DNAH11: variants seen among roughly 807,000 people sequenced by gnomAD.
DNAH11 encodes dynein axonemal heavy chain 11.
DNAH11 carries 442 observed loss-of-function variants against 526.0 expected under a neutral mutation model. The observed-to-expected ratio is 0.84, with a 90% confidence interval of 0.78 to 0.91. The LOEUF is 0.91. DNAH11 is among the 40% of genes least tolerant of loss of function. DNAH11 has a pLI of 0.00. For missense variants in DNAH11, 6,989 were observed against 5,448.7 expected (o/e 1.28, Z -8.90); for synonymous variants, 2,461 against 1,935.9 (o/e 1.27, Z -7.12).
chr7:21,737,975 C>T (rs1718453781), intron 46 of DNAH11, among the ~76,000 whole-genome samples: 1 of 151,524 alleles, frequency 6.6e-6, no homozygotes, highest in East Asian at 1.9e-4. Flanking sequence ...TATTTGTTTG[C>T]TCATTTAAAA....
chr7:21,696,451 TATA>T (rs1357971174), intron 35 of DNAH11, among the ~76,000 whole-genome samples: 2 of 152,210 alleles, frequency 1.3e-5, no homozygotes, highest in African/African-American at 4.8e-5. Flanking sequence ...ATAATAATTT[TATA>T]ATGTCTAACT....
In DNAH11 at chr7:21,559,135, G is replaced by C. The variant is rs56130071; in HGVS notation, c.692+137G>C. 0.19 allele frequency: 122,827 copies of C among 643,076 alleles called. 12,407 individuals are homozygous for C. Among genetic ancestry groups the C allele is most frequent in the East Asian group, 0.28 (9,701 of 34,438 alleles). 39.8% of individuals were successfully genotyped at this position (643,076 alleles called of 1,614,324 possible). On this transcript the variant is annotated intron_variant, in intron 3 of 81. Coordinates refer to ENST00000409508, the MANE Select transcript of DNAH11 (RefSeq NM_001277115.2). ...TCCCAGGAGTTCAAGACTAGCCTGG[G>C]CAGCATAGTGAGATCTCATCTCCAC...
chr7:21,698,872 A>G (rs1438115939), intron 36 of DNAH11, among the ~76,000 whole-genome samples: 2 of 152,162 alleles, frequency 1.3e-5, no homozygotes, highest in African/African-American at 4.8e-5. Context: ...TCCTTTAAAA[A>G]CTAAAACTAC....
At chr7:21,624,779 T>C (rs1344746507) in intron 25 of DNAH11, among the ~76,000 whole-genome samples, 1 of 152,180 alleles carries the variant, frequency 6.6e-6, no homozygotes, top group East Asian at 1.9e-4. Context: ...TTTTACCAAA[T>C]GTCTTTTCTG....
chr7:21,687,312 G>A lies in DNAH11; in HGVS notation c.5778+57G>A, dbSNP rs946815276. ...TTATTCTCTAACATTATTCCTGATT[G>A]GGAATTATTCAATATAATAGCGTAA... On this transcript the variant is annotated intron_variant, in intron 33 of 81. Transcript: ENST00000409508. 27 of 1,557,240 alleles carry A rather than the reference G, an allele frequency of 1.7e-5. No individual in the cohort carries two copies. In the African/African-American group the frequency reaches 2.7e-4, roughly 16 times the overall value.
At chr7:21,691,178 CTTTT>C (rs559356874) in intron 35 of DNAH11, among the ~76,000 whole-genome samples, 2 of 67,176 alleles carry the variant, frequency 3.0e-5, no homozygotes, top group South Asian at 6.2e-4. Flanking sequence ...TTTTTTTTTT[CTTTT>C]TTTTTTTTTA....
intron 24 of DNAH11, 75 bp downstream of exon 24, chr7:21,619,297 G>C (rs1785929360): frequency 6.5e-7 from 1 of 1,527,308 alleles, no homozygotes; most frequent in Non-Finnish European, 8.8e-7. Flanking sequence ...TTAGAGAAAA[G>C]TCCTTTTGAT....
intron 32 of DNAH11, among the ~76,000 whole-genome samples, chr7:21,684,795 C>T (rs1042846001): frequency 3.3e-5 from 5 of 152,178 alleles, no homozygotes; most frequent in East Asian, 1.9e-4. Flanking sequence ...CAGAATATTG[C>T]GGAGATAAGA....
chr7:21,701,890 TGA>T (rs1784076770), intron 36 of DNAH11, among the ~76,000 whole-genome samples: 1 of 152,082 alleles, frequency 6.6e-6, no homozygotes. Flanking sequence ...GAGAGACATT[TGA>T]GAGATGGGTT....
rs749596031 is a variant in DNAH11, at chr7:21,818,358, T to A, written c.10691+19T>A. 7 of 1,605,432 alleles carry A rather than the reference T, an allele frequency of 4.4e-6. No individual in the cohort carries two copies. The South Asian group carries it at 7.9e-5, about 18-fold the overall frequency. On this transcript the variant is annotated intron_variant, in intron 65 of 81. Transcript: ENST00000409508. Reference sequence around the variant, plus strand: ...AAGGAAAGTAAGTATTCTTGAATTTTTAACATATATATCTTGCTAAATGAT... The same window carrying A: ...AAGGAAAGTAAGTATTCTTGAATTTATAACATATATATCTTGCTAAATGAT...
At chr7:21,827,494 G>A (rs533175429) in intron 65 of DNAH11, among the ~76,000 whole-genome samples, 40 of 151,154 alleles carry the variant, frequency 2.6e-4, no homozygotes, top group African/African-American at 9.0e-4. Flanking sequence ...ATGTATTTCC[G>A]GTTGTTTTGG....
At chr7:21,726,954 G>T (rs1466065614) in intron 45 of DNAH11, among the ~76,000 whole-genome samples, 1 of 2,760 alleles carries the variant, frequency 3.6e-4, no homozygotes, top group Non-Finnish European at 6.3e-4. Context: ...TTTTTTTTGA[G>T]ATGGAGTCTC....
At position 21,744,457 on chromosome 7, in the gene DNAH11, C is replaced by A. The variant is rs1268983209; in HGVS notation, c.8174C>A (p.Pro2725His). 1.2e-6 allele frequency: 2 copies of A among 1,613,538 alleles called. No individual in the cohort carries two copies. Among genetic ancestry groups the A allele is most frequent in the South Asian group, 1.1e-5 (1 of 91,032 alleles). Reference protein sequence around the residue: ...NVFQGILFASPECLKGPLDLI... With the variant: ...NVFQGILFASHECLKGPLDLI... The stretch of plus-strand genomic sequence containing the variant: ...TTGTAGGGGATTTTATTTGCTTCTC[C>A]TGAGTGTTTAAAAGGTCCACTTGAT... Residue 2725 changes from proline to histidine, a missense_variant, in exon 50 of 82, where the codon CCT becomes CAT. Coordinates refer to ENST00000409508, the MANE Select transcript of DNAH11 (RefSeq NM_001277115.2).
chr7:21,871,890 AG>A (rs1235115790), intron 73 of DNAH11, among the ~76,000 whole-genome samples: 1 of 151,918 alleles, frequency 6.6e-6, no homozygotes, highest in Non-Finnish European at 1.5e-5. Context: ...TGGGAGGCCG[AG>A]GAGGGCAGAT....
chr7:21,698,235 T>C, intron 36 of DNAH11, 22 bp downstream of exon 36: 1 of 1,611,806 alleles, frequency 6.2e-7, no homozygotes, highest in Non-Finnish European at 8.5e-7. Flanking sequence ...TTTGTTACGT[T>C]TTCTTGTTTT....
chr7:21,889,969 C>G (rs1176326823), intron 76 of DNAH11, among the ~76,000 whole-genome samples: 1 of 152,148 alleles, frequency 6.6e-6, no homozygotes, highest in East Asian at 1.9e-4. Flanking sequence ...GTATGGAGGA[C>G]ATTTCTCAGG....
rs369704964 is a variant in DNAH11, at chr7:21,690,833, G to C, written c.5993G>C (p.Gly1998Ala). ...SVGIFITMNP[G>A]YAGRTELPEN... Reference sequence around the variant, plus strand: ...GGAATATTTATTACTATGAACCCGGGTTATGCTGGTCGAACCGAATTACCG... The same window carrying C: ...GGAATATTTATTACTATGAACCCGGCTTATGCTGGTCGAACCGAATTACCG... Residue 1998 changes from glycine to alanine, a missense_variant, in exon 35 of 82, where the codon GGT becomes GCT. Transcript: ENST00000409508. The C allele has an allele frequency of 1.2e-6, 2 of 1,612,662 alleles. No individual in the cohort carries two copies. The highest frequency in any genetic ancestry group is 1.7e-6 in the Non-Finnish European group (2 of 1,179,508).
intron 61 of DNAH11, among the ~76,000 whole-genome samples, chr7:21,792,378 T>C (rs756642421): frequency 1.3e-5 from 2 of 152,218 alleles, no homozygotes; most frequent in African/African-American, 2.4e-5. Flanking sequence ...TTTCTTGCTG[T>C]GTTCTTGTCT....
intron 42 of DNAH11, among the ~76,000 whole-genome samples, chr7:21,714,078 C>A (rs1246507603): frequency 6.6e-6 from 1 of 152,190 alleles, no homozygotes; most frequent in Non-Finnish European, 1.5e-5. Flanking sequence ...AATCTCACAG[C>A]TCCCAAGGCA....
Sources: gnomAD v4.1 joint callset for allele counts (sites outside exome capture counted in the v4.1 genomes callset) on GRCh38, gnomAD v4.1.1 for gene constraint, MANE v1.5 for transcripts, NCBI Gene and HGNC (gene_info 2026-07-23, HGNC 2026-07-21) for gene names.